The following TMEM74 variants were observed in gnomAD, a reference collection of about 807,000 sequenced individuals.
The protein encoded by TMEM74 is transmembrane protein 74.
A neutral mutation model predicts 18.1 loss-of-function variants in TMEM74; 13 were observed. The ratio of observed to expected loss-of-function variants is 0.72; its 90% CI spans 0.47 to 1.14. The LOEUF (loss-of-function observed/expected upper bound fraction) is 1.14. Among genes scored for constraint, TMEM74 ranks in the 50% most tolerant of loss-of-function variants. The pLI, the probability that TMEM74 is intolerant of heterozygous loss-of-function variation, is 0.00. For synonymous variants in TMEM74, 159 were observed against 146.6 expected, an observed-to-expected ratio of 1.08 and a Z score of -0.61; for missense variants, 372 against 375.9, an observed-to-expected ratio of 0.99 and a Z score of 0.09.
At chr8:108,721,766 G>A (rs1813589279) in intron 1 of TMEM74, among the ~76,000 whole-genome samples, 1 of 152,154 alleles carries the variant, frequency 6.6e-6, no homozygotes, top group Non-Finnish European at 1.5e-5. Flanking sequence ...TAAGTAAAAG[G>A]GACATTCAGA....
intron 1 of TMEM74, among the ~76,000 whole-genome samples, chr8:108,745,085 T>A (rs891346237): frequency 1.3e-5 from 2 of 152,166 alleles, no homozygotes; most frequent in African/African-American, 4.8e-5. Flanking sequence ...AGTCATAAGA[T>A]CTGCATTTAG....
intron 2 of TMEM74, among the ~76,000 whole-genome samples, chr8:108,632,522 T>C (rs1812562847): frequency 6.6e-6 from 1 of 151,974 alleles, no homozygotes; most frequent in African/African-American, 2.4e-5. Context: ...TTTATTTAAA[T>C]AAACCTCTAA....
At chr8:108,732,554 A>G (rs1294890668) in intron 1 of TMEM74, among the ~76,000 whole-genome samples, 1 of 152,196 alleles carries the variant, frequency 6.6e-6, no homozygotes, top group Non-Finnish European at 1.5e-5. Context: ...ACGGATTAAA[A>G]TATAGAATCT....
At chr8:108,679,699 T>C (rs1252521358) in intron 1 of TMEM74, among the ~76,000 whole-genome samples, 3 of 152,150 alleles carry the variant, frequency 2.0e-5, no homozygotes, top group Non-Finnish European at 2.9e-5. Flanking sequence ...TTGTAGGTTG[T>C]CTGTTCACTC....
intron 1 of TMEM74, among the ~76,000 whole-genome samples, chr8:108,670,867 T>A (rs941521879): frequency 6.6e-6 from 1 of 152,290 alleles, no homozygotes; most frequent in African/African-American, 2.4e-5. Context: ...TAAACCTTTA[T>A]GTTCTGTTTT....
chr8:108,636,972 C>T (rs1041617996), intron 2 of TMEM74, among the ~76,000 whole-genome samples: 2 of 152,034 alleles, frequency 1.3e-5, no homozygotes, highest in Non-Finnish European at 2.9e-5. Flanking sequence ...TAGCTCTCTA[C>T]CCTAGTAAGC....
At chr8:108,625,229 C>A (rs1432359586) in intron 2 of TMEM74, among the ~76,000 whole-genome samples, 1 of 151,976 alleles carries the variant, frequency 6.6e-6, no homozygotes, top group South Asian at 2.1e-4. Context: ...AAACTGTTAA[C>A]CACAACACAA....
intron 1 of TMEM74, among the ~76,000 whole-genome samples, chr8:108,751,056 C>A (rs749755481): frequency 2.0e-5 from 3 of 152,140 alleles, no homozygotes; most frequent in Non-Finnish European, 4.4e-5. Flanking sequence ...CCACCAGTAA[C>A]CTGGATACCT....
chr8:108,768,217 G>C (rs992953381), intron 1 of TMEM74, among the ~76,000 whole-genome samples: 1 of 152,084 alleles, frequency 6.6e-6, no homozygotes, highest in African/African-American at 2.4e-5. Flanking sequence ...ACCTTGGCTA[G>C]TGACTAATAA....
chr8:108,632,939 A>G (rs997622001), intron 2 of TMEM74, among the ~76,000 whole-genome samples: 34 of 152,006 alleles, frequency 2.2e-4, no homozygotes, highest in African/African-American at 8.0e-4. Flanking sequence ...GGTTCATTCT[A>G]GTTCAGAACA....
Position 108,747,584 on chromosome 8 carries a change from C to T in TMEM74, n.119+39892G>A, listed in dbSNP as rs192473159. Among the ~76,000 whole-genome samples, 34 of 151,928 alleles carry T rather than the reference C, an allele frequency of 2.2e-4. No homozygotes were observed. In the East Asian group the frequency reaches 6.4e-3, roughly 29 times the overall value. On this transcript the variant is annotated intron_variant and non_coding_transcript_variant, in intron 1 of 3. Coordinates refer to the TMEM74 transcript ENST00000518838. The stretch of plus-strand genomic sequence containing the variant: ...TTTTTAAATTGGCAACTTTTAAGTT[C>T]AGGGGTACATGTGCAGGTTTGTTAC...
intron 1 of TMEM74, among the ~76,000 whole-genome samples, chr8:108,661,601 G>A (rs1812900686): frequency 6.6e-6 from 1 of 151,834 alleles, no homozygotes; most frequent in South Asian, 2.1e-4. Context: ...GAAAGTACAT[G>A]GGTTCATATG....
chr8:108,678,474 C>T (rs1165357162), intron 1 of TMEM74, among the ~76,000 whole-genome samples: 1 of 151,636 alleles, frequency 6.6e-6, no homozygotes, highest in African/African-American at 2.4e-5. Context: ...AGGCAATCCT[C>T]CTGCCTCAGC....
chr8:108,637,758 G>T (rs1220704163), intron 2 of TMEM74, among the ~76,000 whole-genome samples: 6 of 152,136 alleles, frequency 3.9e-5, no homozygotes, highest in Non-Finnish European at 8.8e-5. Context: ...AAATGTAAAA[G>T]AATGAATTTG....
chr8:108,715,654 T>A (rs1371660712), intron 1 of TMEM74, among the ~76,000 whole-genome samples: 2 of 152,038 alleles, frequency 1.3e-5, no homozygotes, highest in African/African-American at 4.8e-5. Flanking sequence ...AAAAAGCGAA[T>A]GCACACTTTC....
At chr8:108,676,487 C>T (rs1385644011) in intron 1 of TMEM74, among the ~76,000 whole-genome samples, 1 of 152,158 alleles carries the variant, frequency 6.6e-6, no homozygotes, top group Non-Finnish European at 1.5e-5. Context: ...ATGCACACGG[C>T]TCACTTCCTC....
chr8:108,614,494 T>A (rs1429304672), intron 2 of TMEM74, among the ~76,000 whole-genome samples: 2 of 152,152 alleles, frequency 1.3e-5, no homozygotes, highest in Admixed American at 6.5e-5. Context: ...AGGAATAGGT[T>A]TACAGATTCC....
chr8:108,746,723 T>C (rs1813851769), intron 1 of TMEM74, among the ~76,000 whole-genome samples: 1 of 151,948 alleles, frequency 6.6e-6, no homozygotes, highest in African/African-American at 2.4e-5. Flanking sequence ...CTTTCACCAC[T>C]GGGGAGTGGA....
At chr8:108,693,866 T>C (rs1467404749) in intron 1 of TMEM74, among the ~76,000 whole-genome samples, 1 of 152,244 alleles carries the variant, frequency 6.6e-6, no homozygotes, top group African/African-American at 2.4e-5. Flanking sequence ...TGGAAATGTC[T>C]ACTTTAATGA....
Sources: allele counts gnomAD v4.1 joint callset (sites outside exome capture counted in the v4.1 genomes callset), GRCh38; gene constraint gnomAD v4.1.1; transcripts MANE v1.5; gene names NCBI Gene and HGNC (gene_info 2026-07-23, HGNC 2026-07-21).